Variants in RRN3 observed in about 807,000 individuals in gnomAD.
RRN3 encodes RNA polymerase I transcription factor RRN3, also known as RNA polymerase I-specific transcription initiation factor RRN3.
A neutral mutation model predicts 82.3 loss-of-function variants in RRN3; 38 were observed. The observed-to-expected ratio is 0.46, with a 90% CI of 0.36 to 0.61. The LOEUF (loss-of-function observed/expected upper bound fraction) is 0.61. Ranked by LOEUF, RRN3 falls within the 20% of genes least tolerant of loss-of-function variation. RRN3 has a pLI of 0.00. For synonymous variants in RRN3, 284 were observed against 284.3 expected (o/e 1.00, Z 0.01); for missense variants, 726 against 793.1 (o/e 0.92, Z 1.02).
chr16:15,073,202 C>T, intron 11 of RRN3, 122 bp from the exon 12 acceptor site: 2 of 1,124,804 alleles, frequency 1.8e-6, no homozygotes, highest in South Asian at 1.4e-5. Flanking sequence ...ACAGTGGCTC[C>T]TGCCTGCAAT....
chr16:15,093,241 T>C (rs1234560940), intron 1 of RRN3, among the ~76,000 whole-genome samples: 3 of 152,220 alleles, frequency 2.0e-5, no homozygotes, highest in Non-Finnish European at 4.4e-5. Flanking sequence ...TGACTTCAGA[T>C]GATCCGCCCG....
intron 14 of RRN3, among the ~76,000 whole-genome samples, chr16:15,069,624 C>T (rs939587093): frequency 2.0e-5 from 3 of 152,186 alleles, no homozygotes; most frequent in African/African-American, 7.2e-5. Context: ...TTTTCTAATC[C>T]TGCCACTAAC....
At chr16:15,064,703 C>T (rs1199242612) in intron 16 of RRN3, among the ~76,000 whole-genome samples, 1 of 152,234 alleles carries the variant, frequency 6.6e-6, no homozygotes, top group Non-Finnish European at 1.5e-5. Flanking sequence ...GATCTACCCA[C>T]TCTGGGGTGC....
intron 13 of RRN3, 44 bp downstream of exon 13, chr16:15,071,077 T>C (rs755154800): frequency 2.6e-6 from 4 of 1,549,234 alleles, no homozygotes; most frequent in African/African-American, 1.4e-5. Flanking sequence ...ATACTCTTTT[T>C]AAAGCATGAT....
chr16:15,064,654 A>G (rs987066117), intron 16 of RRN3, among the ~76,000 whole-genome samples: 1 of 152,240 alleles, frequency 6.6e-6, no homozygotes, highest in Non-Finnish European at 1.5e-5. Flanking sequence ...ACAAAAAACA[A>G]AAAACCCTTG....
rs771100252 is a variant in RRN3, at chr16:15,065,308, G to T, written c.1617C>A (p.Val539=). 6.2e-7 allele frequency: 1 copy of T among 1,613,736 alleles called. No homozygotes were observed. The highest frequency in any genetic ancestry group is 8.5e-7 in the Non-Finnish European group (1 of 1,179,690). The change falls in exon 16 of 18, where the codon GTC becomes GTA. Residue 539 remains valine, a synonymous_variant. Transcript: ENST00000198767. ...IERNNRQMLP[V]IRSTAGGDSV... is the part of the protein sequence containing the mutation. ...AGTCTCCTCCAGCGGTACTCCTAATGACTGGCAGCATCTGGCGATTGTTCC... is the reference window on the plus strand; with the variant it reads ...AGTCTCCTCCAGCGGTACTCCTAATTACTGGCAGCATCTGGCGATTGTTCC...
At chr16:15,065,924 C>T (rs1286909023) in intron 15 of RRN3, among the ~76,000 whole-genome samples, 2 of 151,494 alleles carry the variant, frequency 1.3e-5, no homozygotes, top group African/African-American at 4.9e-5. Context: ...ACTAGGCATG[C>T]CGAGTGAGAA....
intron 8 of RRN3, among the ~76,000 whole-genome samples, chr16:15,082,194 A>C (rs553460777): frequency 6.6e-6 from 1 of 152,338 alleles, no homozygotes; most frequent in African/African-American, 2.4e-5. Flanking sequence ...TCTTTCACCA[A>C]TGAATATGAT....
At chr16:15,076,707 A>T (rs911503085) in intron 9 of RRN3, 57 bp from the exon 10 acceptor site, 1 of 1,263,204 alleles carries the variant, frequency 7.9e-7, no homozygotes, top group African/African-American at 1.5e-5. Context: ...CAACTATGTT[A>T]TTTTGGGATG....
intron 16 of RRN3, 130 bp from the exon 17 acceptor site, chr16:15,063,413 T>C: frequency 1.3e-6 from 1 of 763,138 alleles, no homozygotes; most frequent in Non-Finnish European, 2.3e-6. Flanking sequence ...AATAATTACA[T>C]TTAAAAAAAA....
intron 8 of RRN3, among the ~76,000 whole-genome samples, chr16:15,083,275 T>C (rs1233619007): frequency 1.3e-5 from 2 of 152,098 alleles, no homozygotes; most frequent in Admixed American, 6.6e-5. Context: ...GGTAGGCGCC[T>C]GCAGTCCCAG....
intron 8 of RRN3, among the ~76,000 whole-genome samples, chr16:15,081,970 G>A (rs1335763207): frequency 6.6e-6 from 1 of 152,098 alleles, no homozygotes. Context: ...CTTCTGTCCC[G>A]TAACCATGCT....
intron 11 of RRN3, among the ~76,000 whole-genome samples, chr16:15,073,663 G>T (rs146010070): frequency 6.6e-6 from 1 of 152,214 alleles, no homozygotes; most frequent in African/African-American, 2.4e-5. Flanking sequence ...CCTCTAATCC[G>T]ATCATTTTAC....
intron 8 of RRN3, 135 bp downstream of exon 8, chr16:15,083,378 G>A (rs1452424509): frequency 4.2e-5 from 58 of 1,389,208 alleles, no homozygotes; most frequent in Middle Eastern, 5.3e-4. Flanking sequence ...CAGCTTGGGC[G>A]ACAGAGTGAG....
chr16:15,083,739 G>C lies in RRN3; in HGVS notation c.597-157C>G, dbSNP rs184110233. 7.1e-6 allele frequency: 7 copies of C among 989,646 alleles called. No individual in the cohort carries two copies. In the East Asian group the frequency reaches 1.8e-4, roughly 25 times the overall value. The allele number at this position is 989,646 out of a possible 1,614,324, so 61.3% of individuals were successfully genotyped here. On this transcript the variant is annotated intron_variant, in intron 7 of 17. Transcript: ENST00000198767. ...TGGAACTTTTTTTGTTTTTTGAGAC[G>C]GAGTTTCGCTCTTGTTGCCCAGGCT... is the stretch of plus-strand genomic sequence containing the variant.
chr16:15,077,252 T>G (rs1392042180), intron 9 of RRN3, among the ~76,000 whole-genome samples: 1 of 152,068 alleles, frequency 6.6e-6, no homozygotes. Context: ...GTGCTGGAAT[T>G]ACAGGCATGA....
chr16:15,088,371 G>C (rs2151819617), intron 3 of RRN3, among the ~76,000 whole-genome samples: 1 of 152,042 alleles, frequency 6.6e-6, no homozygotes, highest in Admixed American at 6.6e-5. Context: ...GGAGCCTGAG[G>C]TGGGAAGATT....
intron 10 of RRN3, among the ~76,000 whole-genome samples, chr16:15,075,589 AAAAG>A (rs71152405): frequency 0.65 from 98,098 of 151,022 alleles, 33,702 homozygotes; most frequent in Non-Finnish European, 0.76. Context: ...AAAAAGAAAG[AAAAG>A]AAAGAAAGAA....
upstream of RRN3, chr16:15,094,280 T>G (rs1435516390): frequency 7.0e-7 from 1 of 1,434,472 alleles, no homozygotes; most frequent in East Asian, 2.5e-5. Context: ...GATGCCCAGC[T>G]CCTTCCAGCC....
Sources: gnomAD v4.1 joint callset for allele counts (sites outside exome capture counted in the v4.1 genomes callset) on GRCh38, gnomAD v4.1.1 for gene constraint, MANE v1.5 for transcripts, NCBI Gene and HGNC (gene_info 2026-07-23, HGNC 2026-07-21) for gene names.